TMEM232: variants seen among roughly 807,000 people sequenced by gnomAD.
TMEM232 encodes the protein transmembrane protein 232.
TMEM232 carries 80 observed loss-of-function variants against 78.8 expected under a neutral mutation model. That is an observed-to-expected ratio of 1.01 (90% CI 0.85 to 1.22). The LOEUF (loss-of-function observed/expected upper bound fraction) is 1.22, where lower values mean the gene tolerates loss of function less well. Among genes scored for constraint, TMEM232 ranks in the 50% most tolerant of loss-of-function variants. The pLI is 0.00. For missense variants in TMEM232, 881 were observed against 742.2 expected (o/e 1.19, Z -2.17); for synonymous variants, 297 against 254.3 (o/e 1.17, Z -1.60).
chr5:110,718,484 T>C (rs1797250411), intron 1 of TMEM232, among the ~76,000 whole-genome samples: 1 of 152,160 alleles, frequency 6.6e-6, no homozygotes, highest in South Asian at 2.1e-4. Context: ...ATGTTCTTTG[T>C]ATGTGATGAG....
At chr5:110,630,780 G>A (rs781249386) in intron 5 of TMEM232, among the ~76,000 whole-genome samples, 10 of 151,996 alleles carry the variant, frequency 6.6e-5, no homozygotes, top group African/African-American at 1.2e-4. Flanking sequence ...AAGCAAAATC[G>A]GCTGGGAACA....
intron 1 of TMEM232, among the ~76,000 whole-genome samples, chr5:110,677,120 A>G (rs888357085): frequency 9.9e-5 from 15 of 152,132 alleles, no homozygotes; most frequent in Admixed American, 3.3e-4. Flanking sequence ...TGTGGTCTCA[A>G]TTTGCATTTC....
At chr5:110,727,300 G>C (rs1036325856), upstream of TMEM232, among the ~76,000 whole-genome samples, 8 of 152,156 alleles carry the variant, frequency 5.3e-5, no homozygotes, top group Non-Finnish European at 1.2e-4. Context: ...GAAGAATGGG[G>C]AAGGGCATTT....
chr5:110,624,871 G>A (rs1446368390), intron 7 of TMEM232, among the ~76,000 whole-genome samples: 2 of 151,864 alleles, frequency 1.3e-5, no homozygotes, highest in African/African-American at 2.4e-5. Context: ...AATGTTAAAC[G>A]TATTTTTCCT....
chr5:110,452,891 T>A (rs1445348824), intron 12 of TMEM232, among the ~76,000 whole-genome samples: 1 of 152,232 alleles, frequency 6.6e-6, no homozygotes, highest in Non-Finnish European at 1.5e-5. Flanking sequence ...CCTATTACAA[T>A]GTAAAAGTAC....
intron 12 of TMEM232, among the ~76,000 whole-genome samples, chr5:110,502,263 C>G (rs551720554): frequency 6.2e-4 from 95 of 152,144 alleles, no homozygotes; most frequent in Middle Eastern, 3.4e-3. Context: ...TAATGGTTTG[C>G]CAGGGAATTT....
chr5:110,511,468 G>C (rs1004325621), intron 12 of TMEM232, among the ~76,000 whole-genome samples: 2 of 151,256 alleles, frequency 1.3e-5, no homozygotes, highest in Non-Finnish European at 2.9e-5. Context: ...AAAGAAAAAT[G>C]ATATTAAGTA....
intron 5 of TMEM232, among the ~76,000 whole-genome samples, chr5:110,634,414 T>TATTA (rs1785531137): frequency 6.6e-6 from 1 of 152,134 alleles, no homozygotes; most frequent in Admixed American, 6.6e-5. Context: ...CATTAGCACA[T>TATTA]GGAATATTCT....
At chr5:110,623,210 C>T (rs1561404799) in intron 7 of TMEM232, among the ~76,000 whole-genome samples, 1 of 151,948 alleles carries the variant, frequency 6.6e-6, no homozygotes, top group African/African-American at 2.4e-5. Context: ...AGGAAATTTC[C>T]TATTCTTAAG....
chr5:110,673,305 G>C (rs1030965164), intron 1 of TMEM232, among the ~76,000 whole-genome samples: 56 of 151,776 alleles, frequency 3.7e-4, no homozygotes, highest in African/African-American at 1.3e-3. Context: ...GCCTGTTGTG[G>C]GGTGGCGGGA....
chr5:110,475,441 TTTGA>T (rs1173476144), intron 12 of TMEM232, among the ~76,000 whole-genome samples: 1,264 of 120,496 alleles, frequency 0.01, 7 homozygotes, highest in Admixed American at 0.016. Flanking sequence ...CTATTTATAC[TTTGA>T]TTTTTTTTTT....
intron 12 of TMEM232, among the ~76,000 whole-genome samples, chr5:110,427,640 T>C (rs1020479097): frequency 1.1e-4 from 17 of 151,968 alleles, no homozygotes; most frequent in East Asian, 1.9e-4. Context: ...TAAATCAAAG[T>C]GTTAGCAGTC....
intron 1 of TMEM232, among the ~76,000 whole-genome samples, chr5:110,683,586 TA>T (rs1793027376): frequency 6.6e-6 from 1 of 152,012 alleles, no homozygotes. Context: ...TATCTATTTT[TA>T]TTATGCTCAT....
intron 2 of TMEM232, among the ~76,000 whole-genome samples, chr5:110,646,086 A>C (rs1787437823): frequency 6.6e-6 from 1 of 151,710 alleles, no homozygotes; most frequent in Non-Finnish European, 1.5e-5. Flanking sequence ...AAGACCTGTA[A>C]AAAACAAAGA....
chr5:110,436,304 TATTGGA>T (rs1344383324), intron 12 of TMEM232, among the ~76,000 whole-genome samples: 5 of 152,062 alleles, frequency 3.3e-5, no homozygotes, highest in Non-Finnish European at 7.4e-5. Context: ...TAAATCAGAT[TATTGGA>T]ATTTTTCTAT....
intron 8 of TMEM232, among the ~76,000 whole-genome samples, chr5:110,607,386 A>G (rs1781655434): frequency 6.6e-6 from 1 of 151,900 alleles, no homozygotes; most frequent in African/African-American, 2.4e-5. Flanking sequence ...CATTACATAA[A>G]TGTCAATATT....
intron 12 of TMEM232, among the ~76,000 whole-genome samples, chr5:110,519,454 T>C (rs1769172870): frequency 6.6e-6 from 1 of 152,142 alleles, no homozygotes; most frequent in African/African-American, 2.4e-5. Flanking sequence ...TGGCTTCTAT[T>C]CAAAAGACAG....
intron 2 of TMEM232, among the ~76,000 whole-genome samples, chr5:110,655,096 C>A (rs924247978): frequency 2.4e-4 from 36 of 152,160 alleles, no homozygotes; most frequent in African/African-American, 8.2e-4. Flanking sequence ...GCAAAAGAAA[C>A]TACCATCAGA....
intron 2 of TMEM232, among the ~76,000 whole-genome samples, chr5:110,400,004 A>G (rs1437815980): frequency 6.6e-6 from 1 of 151,946 alleles, no homozygotes; most frequent in African/African-American, 2.4e-5. Flanking sequence ...CACAGAAAGC[A>G]CTCCTTGCTC....
Sources: allele counts gnomAD v4.1 joint callset (sites outside exome capture counted in the v4.1 genomes callset), GRCh38; gene constraint gnomAD v4.1.1; transcripts MANE v1.5; gene names NCBI Gene and HGNC (gene_info 2026-07-23, HGNC 2026-07-21).